SEMA3E: variants seen among roughly 807,000 people sequenced by gnomAD.
SEMA3E encodes semaphorin 3E.
A neutral mutation model predicts 93.6 loss-of-function variants in SEMA3E; 49 were observed. That is an observed-to-expected ratio of 0.52 (90% confidence interval 0.42 to 0.66). The LOEUF is 0.66. Ranked by LOEUF, SEMA3E falls within the 30% of genes least tolerant of loss-of-function variation. The pLI is 0.00. For missense variants in SEMA3E, 906 were observed against 964.8 expected (o/e 0.94, Z 0.81); for synonymous variants, 363 against 330.7 (o/e 1.10, Z -1.06).
At chr7:83,617,776 A>G (rs1207380405) in intron 1 of SEMA3E, among the ~76,000 whole-genome samples, 1 of 151,470 alleles carries the variant, frequency 6.6e-6, no homozygotes, top group African/African-American at 2.4e-5. Flanking sequence ...CTGACAAAGT[A>G]AAGTAGTGTT....
At chr7:83,605,030 A>G (rs1438182205) in intron 1 of SEMA3E, among the ~76,000 whole-genome samples, 1 of 152,140 alleles carries the variant, frequency 6.6e-6, no homozygotes, top group Non-Finnish European at 1.5e-5. Flanking sequence ...TCAGTCTATC[A>G]TTGTTTGGCA....
chr7:83,418,255 T>C, intron 5 of SEMA3E, 135 bp downstream of exon 5: 2 of 718,734 alleles, frequency 2.8e-6, no homozygotes, highest in South Asian at 1.6e-5. Flanking sequence ...TTTAATATCA[T>C]TGCTTCGAGC....
chr7:83,489,948 A>G (rs1313226318), intron 2 of SEMA3E, among the ~76,000 whole-genome samples, 166 bp downstream of exon 2: 2 of 152,132 alleles, frequency 1.3e-5, no homozygotes, highest in African/African-American at 4.8e-5. Flanking sequence ...AACATGATTT[A>G]GAAATCATTT....
intron 1 of SEMA3E, among the ~76,000 whole-genome samples, chr7:83,523,139 G>C (rs528962868): frequency 3.9e-4 from 60 of 152,126 alleles, no homozygotes; most frequent in Admixed American, 8.5e-4. Context: ...ATGAGCATCA[G>C]AGATTCATGT....
Position 83,624,916 on chromosome 7 carries a change from A to G in SEMA3E, c.115+23512T>C, listed in dbSNP as rs185291890. 5.5e-3 allele frequency among the ~76,000 whole-genome samples: 841 copies of G among 152,168 alleles called. 4 individuals carry two copies. Among genetic ancestry groups the G allele is most frequent in the Non-Finnish European group, 7.9e-3 (534 of 67,964 alleles). ...TAATTTTTGTATAAGGTAAAAGGAA[A>G]GGATCCAGTTTCAGTTCTCTGCATA... On this transcript the variant is annotated intron_variant, in intron 1 of 16. Coordinates refer to ENST00000643230, the MANE Select transcript of SEMA3E (RefSeq NM_012431.3).
chr7:83,392,297 T>C lies in SEMA3E; in HGVS notation c.1667+258A>G, dbSNP rs73389159. 3.2e-3 allele frequency among the ~76,000 whole-genome samples: 489 copies of C among 152,244 alleles called. 1 individual carries two copies. Among genetic ancestry groups the C allele is most frequent in the African/African-American group, 0.011 (470 of 41,558 alleles). ...TCCTTTTAAGTCTTTGAATCTCTCATGTGTGGTGGCTTGTCGTTTCCACAT... is the reference window on the plus strand; with the variant it reads ...TCCTTTTAAGTCTTTGAATCTCTCACGTGTGGTGGCTTGTCGTTTCCACAT... On this transcript the variant is annotated intron_variant, in intron 14 of 16. Coordinates refer to ENST00000643230, the MANE Select transcript of SEMA3E (RefSeq NM_012431.3).
chr7:83,411,561 GAA>G (rs1337696052), intron 5 of SEMA3E, among the ~76,000 whole-genome samples: 2 of 151,756 alleles, frequency 1.3e-5, no homozygotes, highest in African/African-American at 4.8e-5. Flanking sequence ...ACACATTAGT[GAA>G]AAATAAATAA....
At chr7:83,543,930 T>C (rs1489538273) in intron 1 of SEMA3E, among the ~76,000 whole-genome samples, 1 of 152,106 alleles carries the variant, frequency 6.6e-6, no homozygotes, top group Non-Finnish European at 1.5e-5. Flanking sequence ...GTTTAATCTT[T>C]AGTTAGGTCA....
intron 1 of SEMA3E, 98 bp downstream of exon 1, chr7:83,648,330 A>G: frequency 2.4e-6 from 2 of 835,288 alleles, no homozygotes; most frequent in Non-Finnish European, 3.8e-6. Flanking sequence ...AGGTCTTTGA[A>G]GACCATAAGC....
chr7:83,431,289 T>C (rs2115744922), intron 4 of SEMA3E, among the ~76,000 whole-genome samples: 1 of 151,902 alleles, frequency 6.6e-6, no homozygotes, highest in Non-Finnish European at 1.5e-5. Flanking sequence ...TCTCTGTATC[T>C]GAAATGTAAA....
At chr7:83,563,926 A>T (rs1792087290) in intron 1 of SEMA3E, among the ~76,000 whole-genome samples, 1 of 152,248 alleles carries the variant, frequency 6.6e-6, no homozygotes, top group East Asian at 1.9e-4. Flanking sequence ...ATAATTAATC[A>T]ATTTTAAATT....
At chr7:83,392,231 G>T (rs1448186627) in intron 14 of SEMA3E, among the ~76,000 whole-genome samples, 1 of 152,040 alleles carries the variant, frequency 6.6e-6, no homozygotes, top group Admixed American at 6.6e-5. Flanking sequence ...AGAGGACATG[G>T]GGCAAATGCA....
intron 1 of SEMA3E, among the ~76,000 whole-genome samples, chr7:83,568,892 A>T (rs766960677): frequency 6.6e-6 from 1 of 152,142 alleles, no homozygotes; most frequent in Non-Finnish European, 1.5e-5. Flanking sequence ...ACAAGAGGAC[A>T]AAAAGAACAA....
chr7:83,507,188 T>C (rs73376770), intron 1 of SEMA3E, among the ~76,000 whole-genome samples: 2,871 of 152,212 alleles, frequency 0.019, 88 homozygotes, highest in African/African-American at 0.066. Flanking sequence ...TTTAAAATAG[T>C]TGGATCCTCT....
At position 83,551,758 on chromosome 7, in the gene SEMA3E, C is replaced by G. The variant is rs73380713; in HGVS notation, c.116-61484G>C. Among the ~76,000 whole-genome samples the G allele has an allele frequency of 2.4e-3, 366 of 152,244 alleles. 1 individual carries two copies. The highest frequency in any genetic ancestry group is 8.3e-3 in the African/African-American group (344 of 41,554). ...GGAGCAGACTTTCCCAGGCTCAACA[C>G]TATTGACATTTTGGCTCAGATAATT... On this transcript the variant is annotated intron_variant, in intron 1 of 16. Transcript: ENST00000643230.
chr7:83,388,464 C>T (rs773638291), intron 14 of SEMA3E, among the ~76,000 whole-genome samples: 8 of 151,296 alleles, frequency 5.3e-5, no homozygotes, highest in Non-Finnish European at 1.0e-4. Flanking sequence ...AAATCAAGAA[C>T]TCTGGCATAC....
intron 1 of SEMA3E, among the ~76,000 whole-genome samples, chr7:83,513,700 C>T (rs1214327476): frequency 6.6e-6 from 1 of 152,056 alleles, no homozygotes; most frequent in East Asian, 1.9e-4. Flanking sequence ...TGGGTAATTT[C>T]CGTATGTAAT....
At chr7:83,471,663 G>C (rs1361740010) in intron 2 of SEMA3E, among the ~76,000 whole-genome samples, 1 of 152,000 alleles carries the variant, frequency 6.6e-6, no homozygotes, top group African/African-American at 2.4e-5. Context: ...GTTTGTTTTG[G>C]CTATACTTTC....
At chr7:83,611,268 A>G (rs1213332920) in intron 1 of SEMA3E, among the ~76,000 whole-genome samples, 1 of 144,190 alleles carries the variant, frequency 6.9e-6, no homozygotes, top group East Asian at 2.0e-4. Context: ...TATTATATAT[A>G]AATTTATATA....
Sources: allele counts gnomAD v4.1 joint callset (sites outside exome capture counted in the v4.1 genomes callset), GRCh38; gene constraint gnomAD v4.1.1; transcripts MANE v1.5; gene names NCBI Gene and HGNC (gene_info 2026-07-23, HGNC 2026-07-21).